CPEB1: variants seen among roughly 807,000 people sequenced by gnomAD.
The protein encoded by CPEB1 is cytoplasmic polyadenylation element-binding protein 1.
Under a neutral mutation model 65.8 loss-of-function variants are expected in CPEB1, and 7 were observed. That is an observed-to-expected ratio of 0.11 (90% CI 0.06 to 0.20). The LOEUF is 0.20. CPEB1 is among the 10% of genes least tolerant of loss of function. The pLI is 1.00. For missense variants in CPEB1, 551 were observed against 712.2 expected (o/e 0.77, Z 2.58); for synonymous variants, 262 against 260.0 (o/e 1.01, Z -0.08).
intron 3 of CPEB1, among the ~76,000 whole-genome samples, chr15:82,586,979 G>C (rs1381629513): frequency 6.6e-6 from 1 of 152,126 alleles, no homozygotes; most frequent in African/African-American, 2.4e-5. Context: ...AGAAGGAATT[G>C]CAATTGTCTT....
chr15:82,612,058 CA>C (rs1483808679), intron 3 of CPEB1, among the ~76,000 whole-genome samples: 62 of 149,750 alleles, frequency 4.1e-4, no homozygotes, highest in Admixed American at 4.1e-3. Context: ...AAAAAAAATA[CA>C]AAAAAATAAG....
Position 82,547,140 on chromosome 15 carries a change from C to T in CPEB1, c.1575+3G>A. The T allele has an allele frequency of 1.9e-6, 3 of 1,608,554 alleles. No individual in the cohort carries two copies. The highest frequency in any genetic ancestry group is 2.6e-6 in the Non-Finnish European group (3 of 1,175,144). On this transcript the variant is annotated splice_donor_region_variant and intron_variant, in intron 11 of 12. Transcript: ENST00000684509. The stretch of plus-strand genomic sequence containing the variant: ...GAGTAAGGGCATAAACCAGCCAACT[C>T]ACCTTCTTTGTGAACTTGGTGGTTT...
At chr15:82,636,401 C>G (rs79110915) in intron 1 of CPEB1, among the ~76,000 whole-genome samples, 2,703 of 152,276 alleles carry the variant, frequency 0.018, 30 homozygotes, top group Non-Finnish European at 0.026. Context: ...ATTCTCCACT[C>G]AAGTCAGGAA....
rs866639517 is a variant in CPEB1, at chr15:82,595,545, C to T, written c.272-24013G>A. On this transcript the variant is annotated intron_variant, in intron 3 of 12. Transcript: ENST00000684509. ...CCATCTAAACAAAAAAGGGTAACTG[C>T]AATGGATCAAGACACATCAAACACA... is the stretch of plus-strand genomic sequence containing the variant. Among the ~76,000 whole-genome samples, 4 of 152,192 alleles carry T rather than the reference C, an allele frequency of 2.6e-5. 1 individual carries two copies. In the South Asian group the frequency reaches 8.3e-4, roughly 32 times the overall value.
At chr15:82,602,486 T>G (rs2043197114) in intron 3 of CPEB1, among the ~76,000 whole-genome samples, 2 of 152,016 alleles carry the variant, frequency 1.3e-5, no homozygotes. Context: ...GAGTTTGAGG[T>G]TACAGTAAGG....
At chr15:82,575,920 G>T (rs559085247) in intron 3 of CPEB1, among the ~76,000 whole-genome samples, 1 of 152,128 alleles carries the variant, frequency 6.6e-6, no homozygotes, top group Non-Finnish European at 1.5e-5. Flanking sequence ...AAAATGGTCT[G>T]CCCATTTCTT....
intron 1 of CPEB1, among the ~76,000 whole-genome samples, chr15:82,641,338 T>G (rs2047098224): frequency 6.6e-6 from 1 of 152,160 alleles, no homozygotes; most frequent in East Asian, 1.9e-4. Flanking sequence ...AAAGCCAGAA[T>G]GCAGAGAGCA....
upstream of CPEB1, chr15:82,648,338 T>G: frequency 6.5e-6 from 1 of 154,322 alleles, no homozygotes; most frequent in Non-Finnish European, 1.4e-5. Context: ...TAGAGCCTCG[T>G]GTCCGCGCTC....
At chr15:82,629,513 C>T (rs912535241) in intron 1 of CPEB1, 8 of 985,104 alleles carry the variant, frequency 8.1e-6, no homozygotes, top group South Asian at 4.7e-5. Context: ...TTCCCTATCT[C>T]GGTAAATAAC....
chr15:82,627,379 A>G lies in CPEB1; in HGVS notation c.97-12T>C. ...CCTGCTTCTTCTTCCTAGACACAGA[A>G]AAAAAAAGATATTTAGGTTTTCTAC... On this transcript the variant is annotated splice_polypyrimidine_tract_variant and intron_variant, in intron 2 of 12. Coordinates refer to ENST00000684509, the MANE Select transcript of CPEB1 (RefSeq NM_001365242.1). 6.3e-7 allele frequency: 1 copy of G among 1,596,286 alleles called. No homozygotes were observed.
At chr15:82,643,285 C>T (rs1175076621) in intron 1 of CPEB1, among the ~76,000 whole-genome samples, 2 of 152,134 alleles carry the variant, frequency 1.3e-5, no homozygotes, top group Non-Finnish European at 1.5e-5. Context: ...TACATTCTCA[C>T]AGAAAAAAAT....
chr15:82,614,429 T>C (rs548897136), intron 3 of CPEB1, among the ~76,000 whole-genome samples: 93 of 152,290 alleles, frequency 6.1e-4, no homozygotes, highest in African/African-American at 2.1e-3. Context: ...GAAAAGTCCA[T>C]CAAACTAGTC....
chr15:82,615,066 A>G (rs1251988779), intron 3 of CPEB1, among the ~76,000 whole-genome samples: 1 of 152,194 alleles, frequency 6.6e-6, no homozygotes, highest in African/African-American at 2.4e-5. Flanking sequence ...ATGTGTCTAA[A>G]GAGGAAATTT....
At chr15:82,626,289 C>T (rs903875374) in intron 3 of CPEB1, among the ~76,000 whole-genome samples, 1 of 151,584 alleles carries the variant, frequency 6.6e-6, no homozygotes, top group Non-Finnish European at 1.5e-5. Context: ...CAAAAATTAG[C>T]TGGGTGTGGT....
Position 82,553,513 on chromosome 15 carries a change from C to T in CPEB1, c.1098G>A (p.Val366=). The T allele has an allele frequency of 6.2e-7, 1 of 1,613,846 alleles. No homozygotes were observed. The highest frequency in any genetic ancestry group is 8.5e-7 in the Non-Finnish European group (1 of 1,179,884). Residue 366 remains valine (V), a synonymous_variant, in exon 8 of 13, where the codon GTG becomes GTA. Transcript: ENST00000684509. ...GCTTGCCATCCTTACCAGGCCACTC[C>T]ACACTCAAAGAGCCAAAAACACGGA... is the stretch of plus-strand genomic sequence containing the variant. ...NTFRVFGSLS[V]EWPGKDGKHP...
intron 3 of CPEB1, chr15:82,573,244 T>C: frequency 7.3e-7 from 1 of 1,365,632 alleles, no homozygotes; most frequent in Non-Finnish European, 9.7e-7. Context: ...ATTTTTTTTT[T>C]TTTTTAAAGC....
chr15:82,595,415 G>A (rs1377558781), intron 3 of CPEB1, among the ~76,000 whole-genome samples: 3 of 152,316 alleles, frequency 2.0e-5, no homozygotes, highest in African/African-American at 4.8e-5. Context: ...CATTAGCAAT[G>A]TATAAGAGTT....
At chr15:82,637,909 G>A in intron 1 of CPEB1, 2 of 418,690 alleles carry the variant, frequency 4.8e-6, no homozygotes, top group South Asian at 3.5e-5. Context: ...ATTAAAAAGG[G>A]GTAGATTTAT....
rs548856094 is a variant in CPEB1, at chr15:82,560,400, G to GTT, written c.461-2416_461-2415dup. ...AATAGTTTTTATCTTATTGTCATTT[G>GTT]TTTTTTTTTTTTTTTTTGAGACAGG... On this transcript the variant is annotated intron_variant, in intron 4 of 12. Transcript: ENST00000684509. Among the ~76,000 whole-genome samples, 1,009 of 134,324 alleles carry GTT rather than the reference G, an allele frequency of 7.5e-3. 8 individuals are homozygous for GTT. Among genetic ancestry groups the GTT allele is most frequent in the African/African-American group, 0.016 (588 of 36,194 alleles). The allele number at this position is 134,324 out of a possible 152,430, so 88.1% of individuals were successfully genotyped here. A position where few individuals can be genotyped will look rare whatever the true frequency, so the allele number is the denominator to read the frequency against.
Sources: allele counts gnomAD v4.1 joint callset (sites outside exome capture counted in the v4.1 genomes callset), GRCh38; gene constraint gnomAD v4.1.1; transcripts MANE v1.5; gene names NCBI Gene and HGNC (gene_info 2026-07-23, HGNC 2026-07-21).